Variants in RSF1 observed in about 807,000 individuals in gnomAD.
The protein encoded by RSF1 is HBV pX-associated protein 8.
Under a neutral mutation model 145.2 loss-of-function variants are expected in RSF1, and 13 were observed. The ratio of observed to expected loss-of-function variants is 0.09; its 90% CI spans 0.06 to 0.14. RSF1 has a LOEUF of 0.14. RSF1 is among the 10% of genes least tolerant of loss of function. The pLI is 1.00. For synonymous variants in RSF1, 577 were observed against 592.6 expected, an observed-to-expected ratio of 0.97 and a Z score of 0.38; for missense variants, 1,517 against 1,718.2, an observed-to-expected ratio of 0.88 and a Z score of 2.07.
chr11:77,763,598 A>C (rs1590873449), intron 2 of RSF1: 1 of 152,214 alleles, frequency 6.6e-6, no homozygotes, highest in East Asian at 1.9e-4. Context: ...AGGAAGCACT[A>C]AACAGCGCCT....
intron 1 of RSF1, among the ~76,000 whole-genome samples, chr11:77,782,212 G>T (rs888010805): frequency 1.3e-5 from 2 of 152,036 alleles, no homozygotes; most frequent in Non-Finnish European, 2.9e-5. Flanking sequence ...ACATATTGGA[G>T]ACAGCAGGTT....
At chr11:77,806,737 A>T (rs1452801981) in intron 1 of RSF1, among the ~76,000 whole-genome samples, 1 of 152,128 alleles carries the variant, frequency 6.6e-6, no homozygotes, top group Non-Finnish European at 1.5e-5. Context: ...GGGAGGACCC[A>T]GAAGGAAACA....
In RSF1 at chr11:77,817,741, A is replaced by G. The variant is rs73495914; in HGVS notation, c.187+2787T>C. On this transcript the variant is annotated intron_variant, in intron 1 of 15. Transcript: ENST00000308488. ...AAATAGGAATAATACTATCAACTTC[A>G]GAGAACAGTTGCAAGGAACTAAATC... 5.0e-3 allele frequency among the ~76,000 whole-genome samples: 763 copies of G among 152,326 alleles called. 8 individuals are homozygous for G. The highest frequency in any genetic ancestry group is 0.018 in the African/African-American group (731 of 41,576).
Position 77,661,717 on chromosome 11 carries a change from TAC to T in RSF1, c.*5198_*5199del, listed in dbSNP as rs981904380. ...CCCACCTCCCATCCCTTAAAAGCTGTACAGTTATTTTTTTTAAAAAAAGGTGA... is the reference window on the plus strand; with the variant it reads ...CCCACCTCCCATCCCTTAAAAGCTGTAGTTATTTTTTTTAAAAAAAGGTGA... On this transcript the variant is annotated 3_prime_UTR_variant, in exon 16 of 16. Coordinates refer to ENST00000308488, the MANE Select transcript of RSF1 (RefSeq NM_016578.4). 11 of 151,828 alleles carry T rather than the reference TAC, an allele frequency of 7.2e-5. No individual in the cohort carries two copies. Among genetic ancestry groups the T allele is most frequent in the African/African-American group, 1.7e-4 (7 of 41,330 alleles). 9.4% of individuals were successfully genotyped at this position (151,828 alleles called of 1,614,324 possible).
Position 77,760,952 on chromosome 11 carries a change from A to G in RSF1, c.279+3646T>C, listed in dbSNP as rs530620284. ...TTCTGAAACGGAGTCTCGCTCTGTC[A>G]CCAGGGTGGAGTGCAGTGGTGCAAT... On this transcript the variant is annotated intron_variant, in intron 2 of 15. Transcript: ENST00000308488. Among the ~76,000 whole-genome samples the G allele has an allele frequency of 4.0e-5, 6 of 151,646 alleles. 1 individual carries two copies. The highest frequency in any genetic ancestry group is 3.9e-4 in the Admixed American group (6 of 15,226).
At chr11:77,747,149 C>T in intron 2 of RSF1, 21 bp from the exon 3 acceptor site, 1 of 1,506,998 alleles carries the variant, frequency 6.6e-7, no homozygotes, top group African/African-American at 1.4e-5. Flanking sequence ...AAGTTAATAT[C>T]TTAATACATG....
intron 2 of RSF1, among the ~76,000 whole-genome samples, chr11:77,750,728 G>C (rs377225691): frequency 6.6e-6 from 1 of 152,074 alleles, no homozygotes. Context: ...ATTATAATTT[G>C]GTTTTACATG....
chr11:77,781,506 A>C (rs1297278100), intron 1 of RSF1, among the ~76,000 whole-genome samples: 1 of 152,214 alleles, frequency 6.6e-6, no homozygotes, highest in Non-Finnish European at 1.5e-5. Flanking sequence ...GGAGCTCATG[A>C]GTTGTGTGGT....
intron 1 of RSF1, among the ~76,000 whole-genome samples, chr11:77,791,672 TC>T (rs1470217189): frequency 6.6e-6 from 1 of 152,148 alleles, no homozygotes; most frequent in Non-Finnish European, 1.5e-5. Context: ...AGTTCAAAGT[TC>T]CACAAATCTC....
In RSF1 at chr11:77,713,317, C is replaced by T. The variant is rs917295969; in HGVS notation, c.734-10822G>A. The stretch of plus-strand genomic sequence containing the variant: ...CTATCTGAAAGTCACATTGGCTGGA[C>T]ATAAAGTCCCTGGCTGACATTTTCT... On this transcript the variant is annotated intron_variant, in intron 5 of 15. Coordinates refer to ENST00000308488, the MANE Select transcript of RSF1 (RefSeq NM_016578.4). Among the ~76,000 whole-genome samples, 7 of 152,184 alleles carry T rather than the reference C, an allele frequency of 4.6e-5. No homozygotes were observed. In the South Asian group the frequency reaches 1.5e-3, roughly 32 times the overall value.
At chr11:77,822,243 C>G (rs1028096726), upstream of RSF1, among the ~76,000 whole-genome samples, 62 of 151,644 alleles carry the variant, frequency 4.1e-4, no homozygotes, top group African/African-American at 1.5e-3. Flanking sequence ...AGTTCCAGAC[C>G]AGCCTGGGCA....
At chr11:77,838,742 G>C in the RSF1 span, among the ~76,000 whole-genome samples, 7 of 150,764 alleles carry the variant, frequency 4.6e-5, no homozygotes, top group Admixed American at 3.3e-4. Flanking sequence ...TCAGCCTCTC[G>C]AGTAGCTGAG....
At chr11:77,785,665 A>T (rs1247576880) in intron 1 of RSF1, among the ~76,000 whole-genome samples, 1 of 152,016 alleles carries the variant, frequency 6.6e-6, no homozygotes, top group Non-Finnish European at 1.5e-5. Context: ...TTAAAAGAGC[A>T]AATTGGACAG....
Position 77,701,188 on chromosome 11 carries a change from C to G in RSF1, c.2041G>C (p.Asp681His). 2 of 1,614,128 alleles carry G rather than the reference C, an allele frequency of 1.2e-6. No individual in the cohort carries two copies. Among genetic ancestry groups the G allele is most frequent in the Non-Finnish European group, 1.7e-6 (2 of 1,180,022 alleles). The change falls in exon 6 of 16, where the codon GAT becomes CAT. Residue 681 changes from aspartate to histidine, a missense_variant. Around this residue, in one of 12 missense-constraint regions of RSF1, gnomAD observed 579 missense variants for 553.5 expected, o/e 1.05. Coordinates refer to ENST00000308488, the MANE Select transcript of RSF1 (RefSeq NM_016578.4). The stretch of plus-strand genomic sequence containing the variant: ...GAGGTCTGGGCATTGTCCAGATTAT[C>G]CATTTCTACCTTTGTGAACTCAGAA... ...EDSEFTKVEM[D>H]NLDNAQTSGI...
At chr11:77,864,619 A>G in the RSF1 span, among the ~76,000 whole-genome samples, 45 of 152,316 alleles carry the variant, frequency 3.0e-4, no homozygotes, top group Admixed American at 1.4e-3. Context: ...TGAAATTGAC[A>G]TAGAAGGAAT....
In RSF1 at chr11:77,676,912, T is replaced by C; in HGVS notation, c.3221A>G (p.Asn1074Ser). ...STILDEERKENKRPQRAAAAR... is the reference protein window; with the variant it reads ...STILDEERKESKRPQRAAAAR... Reference sequence around the variant, plus strand: ...AGCAGCTGCCCTCTGGGGTCGTTTATTTTCTTTTCTTTCTTCATCCAAAAT... The same window carrying C: ...AGCAGCTGCCCTCTGGGGTCGTTTACTTTCTTTTCTTTCTTCATCCAAAAT... Residue 1074 changes from asparagine to serine, a missense_variant, in exon 13 of 16, where the codon AAT becomes AGT. By Grantham distance (46) the Asn-to-Ser change is conservative (BLOSUM62 1). Coordinates refer to ENST00000308488, the MANE Select transcript of RSF1 (RefSeq NM_016578.4). 6.2e-7 allele frequency: 1 copy of C among 1,614,064 alleles called. No individual in the cohort carries two copies.
chr11:77,728,179 C>A (rs565524868), intron 4 of RSF1, among the ~76,000 whole-genome samples: 1 of 152,246 alleles, frequency 6.6e-6, no homozygotes, highest in East Asian at 1.9e-4. Flanking sequence ...CTTAGGATAT[C>A]GGGTGACTGA....
intron 1 of RSF1, 86 bp downstream of exon 1, chr11:77,820,442 C>T: frequency 7.2e-7 from 1 of 1,380,694 alleles, no homozygotes; most frequent in Admixed American, 2.4e-5. Flanking sequence ...AGGCCCGAGC[C>T]GCGAAGAACC....
chr11:77,722,568 G>T (rs78395419), intron 5 of RSF1, among the ~76,000 whole-genome samples: 1 of 152,110 alleles, frequency 6.6e-6, no homozygotes, highest in Non-Finnish European at 1.5e-5. Flanking sequence ...AGAGCATAGG[G>T]TATAGAAGGA....
Sources: allele counts gnomAD v4.1 joint callset (sites outside exome capture counted in the v4.1 genomes callset), GRCh38; gene constraint gnomAD v4.1.1; regional missense constraint gnomAD v4.1.1; transcripts MANE v1.5; gene names NCBI Gene and HGNC (gene_info 2026-07-23, HGNC 2026-07-21).